Variants in FCER2 observed in about 807,000 individuals in gnomAD.
FCER2 encodes Fc epsilon receptor II.
FCER2 carries 38 observed loss-of-function variants against 49.7 expected under a neutral mutation model. That is an observed-to-expected ratio of 0.76 (90% CI 0.59 to 1.00). The LOEUF is 1.00. Among genes scored for constraint, FCER2 ranks in the 50% least tolerant of loss-of-function variants. The pLI is 0.00. For synonymous variants in FCER2, 163 were observed against 164.6 expected, an observed-to-expected ratio of 0.99 and a Z score of 0.07; for missense variants, 425 against 419.5, an observed-to-expected ratio of 1.01 and a Z score of -0.11.
At chr19:7,695,871 T>A (rs979868681) in intron 8 of FCER2, among the ~76,000 whole-genome samples, 6 of 151,336 alleles carry the variant, frequency 4.0e-5, no homozygotes, top group Non-Finnish European at 8.8e-5. Flanking sequence ...AAGCTATGAT[T>A]GCACCACTGC....
chr19:7,697,989 A>G (rs1382273468), intron 4 of FCER2, among the ~76,000 whole-genome samples: 1 of 152,194 alleles, frequency 6.6e-6, no homozygotes, highest in African/African-American at 2.4e-5. Flanking sequence ...TCGAGTTACA[A>G]TGGCTCGACT....
chr19:7,694,047 C>A (rs2032953273), intron 8 of FCER2, among the ~76,000 whole-genome samples: 1 of 152,072 alleles, frequency 6.6e-6, no homozygotes, highest in African/African-American at 2.4e-5. Context: ...CTGCCTCGGC[C>A]TCCCAAAATG....
chr19:7,698,458 C>T (rs2033076165), intron 3 of FCER2, 49 bp from the exon 4 acceptor site: 2 of 1,442,096 alleles, frequency 1.4e-6, no homozygotes, highest in African/African-American at 1.4e-5. Flanking sequence ...TGTCAGTGCC[C>T]CCACCTGCCT....
At chr19:7,696,632 C>T (rs2033019607) in intron 8 of FCER2, 193 bp downstream of exon 8, 3 of 595,512 alleles carry the variant, frequency 5.0e-6, no homozygotes, top group South Asian at 4.1e-5. Context: ...CGTCATCACG[C>T]ACACCTCTGC....
chr19:7,695,859 G>A (rs531707876), intron 8 of FCER2, among the ~76,000 whole-genome samples: 1 of 151,034 alleles, frequency 6.6e-6, no homozygotes, highest in East Asian at 2.0e-4. Flanking sequence ...GGAGGCTGCA[G>A]TAAGCTATGA....
At chr19:7,697,381 G>T in intron 5 of FCER2, 83 bp from the exon 6 acceptor site, 1 of 1,536,674 alleles carries the variant, frequency 6.5e-7, no homozygotes, top group Non-Finnish European at 9.0e-7. Context: ...TGGTCTCTTT[G>T]CCTGGGTTCT....
At position 7,688,920 on chromosome 19, in the gene FCER2, G is replaced by A. The variant is rs563288820; in HGVS notation, c.*273C>T. 128 of 459,162 alleles carry A rather than the reference G, an allele frequency of 2.8e-4. 1 individual carries two copies. The East Asian group carries it at 3.3e-3, about 12-fold the overall frequency. The allele number at this position is 459,162 out of a possible 1,614,324, so 28.4% of individuals were successfully genotyped here. A position where few individuals can be genotyped will look rare whatever the true frequency, so the allele number is the denominator to read the frequency against. On this transcript the variant is annotated 3_prime_UTR_variant, in exon 11 of 11. Transcript: ENST00000597921. The stretch of plus-strand genomic sequence containing the variant: ...CTGTTGGGGTGTACTCTCATCTGGA[G>A]AGGGTGCTGTTGGGGTGTACTCTCA...
In FCER2 at chr19:7,698,834, T is replaced by G; in HGVS notation, c.43A>C (p.Arg15=). The change falls in exon 3 of 11, where the codon AGG becomes CGG. Residue 15 remains arginine, a synonymous_variant. Coordinates refer to ENST00000597921, the MANE Select transcript of FCER2 (RefSeq NM_001220500.2). The stretch of plus-strand genomic sequence containing the variant: ...TGAGTCCCACGCCTGCAACACCGCC[T>G]CCTGGGAAGCTCCTCGATCTCTGCC... The part of the protein sequence containing the change: ...QYSEIEELPR[R]RCCRRGTQIV... 1 of 1,606,250 alleles carries G rather than the reference T, an allele frequency of 6.2e-7. No homozygotes were observed. The highest frequency in any genetic ancestry group is 8.5e-7 in the Non-Finnish European group (1 of 1,177,382).
At chr19:7,694,778 TG>T (rs1406843172) in intron 8 of FCER2, among the ~76,000 whole-genome samples, 1 of 151,702 alleles carries the variant, frequency 6.6e-6, no homozygotes, top group Non-Finnish European at 1.5e-5. Flanking sequence ...AAATCAAGGG[TG>T]GGGGCATTAG....
rs114265483 is a variant in FCER2, at chr19:7,690,053, C to T, written c.728+106G>A. 1,478 of 778,464 alleles carry T rather than the reference C, an allele frequency of 1.9e-3. 14 individuals are homozygous for T. The African/African-American group carries it at 0.022, about 12-fold the overall frequency. The allele number at this position is 778,464 out of a possible 1,614,324, so 48.2% of individuals were successfully genotyped here. A position where few individuals can be genotyped will look rare whatever the true frequency, so the allele number is the denominator to read the frequency against. On this transcript the variant is annotated intron_variant, in intron 10 of 10. Coordinates refer to ENST00000597921, the MANE Select transcript of FCER2 (RefSeq NM_001220500.2). ...CCTTCTCCCCTGCACCCTAGAGACCCTTATCTCTGAGCCCTCATCCGCTTT... is the reference window on the plus strand; with the variant it reads ...CCTTCTCCCCTGCACCCTAGAGACCTTTATCTCTGAGCCCTCATCCGCTTT...
At chr19:7,691,004 A>T (rs1429709833) in intron 8 of FCER2, among the ~76,000 whole-genome samples, 3 of 152,156 alleles carry the variant, frequency 2.0e-5, no homozygotes, top group Non-Finnish European at 4.4e-5. Flanking sequence ...AACCACCAGC[A>T]CCATGACCAC....
At chr19:7,695,138 T>C (rs893857548) in intron 8 of FCER2, among the ~76,000 whole-genome samples, 1 of 152,164 alleles carries the variant, frequency 6.6e-6, no homozygotes, top group African/African-American at 2.4e-5. Context: ...ACCTGGTCCC[T>C]ACCCCACATT....
chr19:7,692,367 C>T (rs865826379), intron 8 of FCER2, among the ~76,000 whole-genome samples: 1,260 of 77,588 alleles, frequency 0.016, 105 homozygotes, highest in Non-Finnish European at 0.022. Context: ...CACATTCATG[C>T]CCAACAACAC....
intron 8 of FCER2, among the ~76,000 whole-genome samples, chr19:7,691,709 G>A (rs62110724): frequency 0.34 from 51,839 of 151,298 alleles, 10,009 homozygotes; most frequent in African/African-American, 0.53. Context: ...TGCCTTACAG[G>A]CAGCTGAATA....
rs151053617 is a variant in FCER2, at chr19:7,693,503, T to C, written c.470-2946A>G. On this transcript the variant is annotated intron_variant, in intron 8 of 10. Coordinates refer to ENST00000597921, the MANE Select transcript of FCER2 (RefSeq NM_001220500.2). ...GGTGTGCACCTGTAATCCCAGCTAC[T>C]TGGGAGGCTGAGGCAGGAGGATCGC... Among the ~76,000 whole-genome samples, 1,010 of 152,092 alleles carry C rather than the reference T, an allele frequency of 6.6e-3. 12 individuals carry two copies. Among genetic ancestry groups the C allele is most frequent in the African/African-American group, 0.022 (905 of 41,492 alleles).
chr19:7,699,993 G>C (rs2033119894), intron 1 of FCER2, 148 bp from the exon 2 acceptor site: 4 of 591,428 alleles, frequency 6.8e-6, no homozygotes, highest in Non-Finnish European at 1.2e-5. Flanking sequence ...TTAGCAGGGA[G>C]ACACAGCTGG....
At position 7,697,007 on chromosome 19, in the gene FCER2, C is replaced by T. The variant is rs1053404666; in HGVS notation, c.379+6G>A. ...CCCCACTGCCCCATCCCCTCCCAAG[C>T]CTCACCCTGGGACTTGAAGCTGCTC... On this transcript the variant is annotated splice_donor_region_variant and intron_variant, in intron 7 of 10. Coordinates refer to ENST00000597921, the MANE Select transcript of FCER2 (RefSeq NM_001220500.2). 2.6e-5 allele frequency: 41 copies of T among 1,586,548 alleles called. No individual in the cohort carries two copies. The highest frequency in any genetic ancestry group is 3.5e-5 in the Non-Finnish European group (41 of 1,166,242).
rs181728660 is a variant in FCER2, at chr19:7,689,555, C to T, written c.729-125G>A. On this transcript the variant is annotated intron_variant, in intron 10 of 10. Coordinates refer to ENST00000597921, the MANE Select transcript of FCER2 (RefSeq NM_001220500.2). ...CCCATCCTGAGTCTGTGCCTGGGGA[C>T]CGGTACCTCATTTTGGTGCCCCATA... 252 of 617,964 alleles carry T rather than the reference C, an allele frequency of 4.1e-4. No homozygotes were observed. In the Middle Eastern group the frequency reaches 4.4e-3, roughly 11 times the overall value. The allele number at this position is 617,964 out of a possible 1,614,324, so 38.3% of individuals were successfully genotyped here.
intron 4 of FCER2, 31 bp from the exon 5 acceptor site, chr19:7,697,620 G>C (rs904538097): frequency 6.2e-7 from 1 of 1,607,252 alleles, no homozygotes; most frequent in African/African-American, 1.3e-5. Context: ...AGATATCCCA[G>C]GAACCTCAAA....
Sources: allele counts gnomAD v4.1 joint callset (sites outside exome capture counted in the v4.1 genomes callset), GRCh38; gene constraint gnomAD v4.1.1; transcripts MANE v1.5; gene names NCBI Gene and HGNC (gene_info 2026-07-23, HGNC 2026-07-21).